SPATA18: variants seen among roughly 807,000 people sequenced by gnomAD.
SPATA18 encodes the protein spermatogenesis associated 18.
Under a neutral mutation model 68.1 loss-of-function variants are expected in SPATA18, and 54 were observed. The ratio of observed to expected loss-of-function variants is 0.79; its 90% CI spans 0.64 to 0.99. The LOEUF (loss-of-function observed/expected upper bound fraction) is 0.99. SPATA18 is among the 50% of genes least tolerant of loss of function. The pLI, the probability that SPATA18 is intolerant of heterozygous loss-of-function variation, is 0.00. For missense variants in SPATA18, 724 were observed against 681.1 expected (o/e 1.06, Z -0.70); for synonymous variants, 242 against 244.8 (o/e 0.99, Z 0.11).
In SPATA18 at chr4:52,070,046, A is replaced by G. The variant is rs201218587; in HGVS notation, c.518+130A>G. On this transcript the variant is annotated intron_variant, in intron 5 of 12. Coordinates refer to ENST00000295213, the MANE Select transcript of SPATA18 (RefSeq NM_145263.4). ...GCAGAAATATTTTTATTAATTATAT[A>G]TATATATATATTTACTACAAAGATA... The G allele has an allele frequency of 0.017, 4,178 of 240,278 alleles. 614 individuals are homozygous for G. In the East Asian group the frequency reaches 0.3, roughly 17 times the overall value. The allele number at this position is 240,278 out of a possible 1,614,324, so 14.9% of individuals were successfully genotyped here.
intron 4 of SPATA18, among the ~76,000 whole-genome samples, chr4:52,069,044 T>C (rs1739570885): frequency 6.6e-6 from 1 of 152,108 alleles, no homozygotes; most frequent in Admixed American, 6.6e-5. Flanking sequence ...TATTTATCTA[T>C]TTTTTATAGA....
At position 52,094,546 on chromosome 4, in the gene SPATA18, C is replaced by A; in HGVS notation, c.1583C>A (p.Pro528His). 6.2e-7 allele frequency: 1 copy of A among 1,613,470 alleles called. No individual in the cohort carries two copies. Among genetic ancestry groups the A allele is most frequent in the Non-Finnish European group, 8.5e-7 (1 of 1,179,756 alleles). ...GLNTMSRSRS[P>H]SPIRCGLPRF ...TTCCAGATGTCTCGAAGTCGGAGTC[C>A]TTCTCCAATAAGATGTGGATTGCCA... The change falls in exon 12 of 13, where the codon CCT (proline) becomes CAT (histidine). Residue 528 changes from proline to histidine, a missense_variant. Coordinates refer to ENST00000295213, the MANE Select transcript of SPATA18 (RefSeq NM_145263.4).
At chr4:52,088,962 T>A (rs1469466419) in intron 11 of SPATA18, among the ~76,000 whole-genome samples, 1 of 152,146 alleles carries the variant, frequency 6.6e-6, no homozygotes, top group Admixed American at 6.5e-5. Flanking sequence ...GTTTCAGAAC[T>A]TGTTATTGGT....
intron 4 of SPATA18, among the ~76,000 whole-genome samples, chr4:52,062,884 A>G (rs1738997453): frequency 3.3e-5 from 5 of 152,220 alleles, no homozygotes; most frequent in Admixed American, 1.3e-4. Flanking sequence ...TGCAATATCT[A>G]TTAGGTATAA....
rs371907949 is a variant in SPATA18 at position 52,082,402 on chromosome 4, C to T, written c.1371C>T (p.Tyr457=). 15 of 1,613,814 alleles carry T rather than the reference C, an allele frequency of 9.3e-6. No individual in the cohort carries two copies. The highest frequency in any genetic ancestry group is 1.7e-5 in the Admixed American group (1 of 59,982). Residue 457 remains tyrosine, a synonymous_variant, in exon 10 of 13, where the codon TAC becomes TAT. Transcript: ENST00000295213. The stretch of plus-strand genomic sequence containing the variant: ...TTGAAAACAGATACCGCCGCAGCTA[C>T]GACTCGGATTTCACTGCTCCCTTAG... ...VFNDCKYRRS[Y]DSDFTAPLVL... is the part of the protein sequence containing the mutation.
chr4:52,068,719 G>A (rs1405100526), intron 4 of SPATA18, among the ~76,000 whole-genome samples: 1 of 152,194 alleles, frequency 6.6e-6, no homozygotes, highest in Non-Finnish European at 1.5e-5. Flanking sequence ...AGTTTGGAAG[G>A]CAATTGCACT....
intron 12 of SPATA18, 21 bp downstream of exon 12, chr4:52,094,593 T>C (rs1179206378): frequency 6.2e-7 from 1 of 1,612,754 alleles, no homozygotes; most frequent in South Asian, 1.1e-5. Context: ...TTAGTTCAGA[T>C]GGATCAAATT....
chr4:52,051,751 C>T lies in SPATA18; in HGVS notation c.47C>T (p.Thr16Met). Residue 16 changes from threonine to methionine, a missense_variant, in exon 1 of 13, where the codon ACG (threonine) becomes ATG (methionine). Transcript: ENST00000295213. ...KRLVSNETLR[T>M]LQEKLDFWLK... Reference sequence around the variant, plus strand: ...CTGGTCTCAAACGAAACTTTACGAACGTTGCAGGAAAAGCTAGACTTCTGG... The same window carrying T: ...CTGGTCTCAAACGAAACTTTACGAATGTTGCAGGAAAAGCTAGACTTCTGG... The T allele has an allele frequency of 6.2e-7, 1 of 1,614,216 alleles. No individual in the cohort carries two copies. The highest frequency in any genetic ancestry group is 8.5e-7 in the Non-Finnish European group (1 of 1,180,032).
At chr4:52,056,043 G>A (rs906625150) in intron 1 of SPATA18, among the ~76,000 whole-genome samples, 2 of 152,100 alleles carry the variant, frequency 1.3e-5, no homozygotes, top group African/African-American at 2.4e-5. Flanking sequence ...CTTCCTGGGT[G>A]TCCTCTCATT....
chr4:52,094,462 C>T, intron 11 of SPATA18, 65 bp from the exon 12 acceptor site: 1 of 1,537,740 alleles, frequency 6.5e-7, no homozygotes, highest in Non-Finnish European at 9.0e-7. Flanking sequence ...AAAAATATGT[C>T]AAAAGAATTC....
rs1408493058 is a variant in SPATA18, at chr4:52,096,677, G to A, written c.*1790G>A. On this transcript the variant is annotated 3_prime_UTR_variant, in exon 13 of 13. Transcript: ENST00000295213. The stretch of plus-strand genomic sequence containing the variant: ...CCACCAGCTACAAATGAAAATCAAT[G>A]TGTGTATTGGCAACAGAAAATCACG... 6.6e-6 allele frequency: 1 copy of A among 151,824 alleles called. No individual in the cohort carries two copies. Among genetic ancestry groups the A allele is most frequent in the East Asian group, 1.9e-4 (1 of 5,176 alleles). The allele number at this position is 151,824 out of a possible 1,614,324, so 9.4% of individuals were successfully genotyped here.
chr4:52,060,333 C>G (rs1225020082), intron 1 of SPATA18, 86 bp from the exon 2 acceptor site: 2 of 1,031,838 alleles, frequency 1.9e-6, no homozygotes, highest in Non-Finnish European at 2.9e-6. Context: ...CCAGGCAGCT[C>G]GTGGGTCAAG....
chr4:52,088,203 C>A (rs59909573), intron 11 of SPATA18, among the ~76,000 whole-genome samples: 6,815 of 152,252 alleles, frequency 0.045, 414 homozygotes, highest in African/African-American at 0.14. Context: ...AATATACAAT[C>A]ATGTCATCTG....
At chr4:52,086,056 G>C (rs1418430740) in intron 11 of SPATA18, among the ~76,000 whole-genome samples, 1 of 152,214 alleles carries the variant, frequency 6.6e-6, no homozygotes, top group Non-Finnish European at 1.5e-5. Flanking sequence ...ACAATGTGCT[G>C]TTCCTCCAAA....
intron 4 of SPATA18, among the ~76,000 whole-genome samples, chr4:52,063,098 C>G (rs1009865975): frequency 2.6e-5 from 4 of 152,100 alleles, no homozygotes; most frequent in African/African-American, 9.7e-5. Context: ...GGGAATTTCT[C>G]CTACCACAGC....
At chr4:52,066,910 G>T (rs1403844464) in intron 4 of SPATA18, among the ~76,000 whole-genome samples, 1 of 152,150 alleles carries the variant, frequency 6.6e-6, no homozygotes, top group Non-Finnish European at 1.5e-5. Context: ...TCATTGATGG[G>T]CATTTGGGCT....
chr4:52,052,377 G>T (rs1737967762), intron 1 of SPATA18, among the ~76,000 whole-genome samples: 1 of 152,146 alleles, frequency 6.6e-6, no homozygotes, highest in Non-Finnish European at 1.5e-5. Context: ...GCGGATTCAG[G>T]CCTTTTTCCA....
chr4:52,074,558 A>G (rs369323167), intron 6 of SPATA18, among the ~76,000 whole-genome samples: 59 of 152,274 alleles, frequency 3.9e-4, no homozygotes, highest in African/African-American at 1.3e-3. Flanking sequence ...AGTAACATAC[A>G]TGAGTGGTAT....
At position 52,067,963 on chromosome 4, in the gene SPATA18, C is replaced by T. The variant is rs148400414; in HGVS notation, c.423-1858C>T. 4.5e-4 allele frequency among the ~76,000 whole-genome samples: 68 copies of T among 152,256 alleles called. 1 individual carries two copies. Among genetic ancestry groups the T allele is most frequent in the Non-Finnish European group, 8.4e-4 (57 of 68,016 alleles). The stretch of plus-strand genomic sequence containing the variant: ...TATGCAACAAAACATTTAAATAGAA[C>T]GTCAGCCTGATTAAAACAATTGTTA... On this transcript the variant is annotated intron_variant, in intron 4 of 12. Coordinates refer to ENST00000295213, the MANE Select transcript of SPATA18 (RefSeq NM_145263.4).
Sources: gnomAD v4.1 joint callset for allele counts (sites outside exome capture counted in the v4.1 genomes callset) on GRCh38, gnomAD v4.1.1 for gene constraint, MANE v1.5 for transcripts, NCBI Gene and HGNC (gene_info 2026-07-23, HGNC 2026-07-21) for gene names.